COL5A1: variants seen among roughly 807,000 people sequenced by gnomAD.
COL5A1 encodes collagen alpha-1(V) chain.
In COL5A1, 16 loss-of-function variants were observed where a neutral mutation model predicts 263.7. The ratio of observed to expected loss-of-function variants is 0.06; its 90% CI spans 0.04 to 0.09. The LOEUF (loss-of-function observed/expected upper bound fraction) is 0.09, where lower values mean the gene tolerates loss of function less well. Ranked by LOEUF, COL5A1 falls within the 10% of genes least tolerant of loss-of-function variation. The pLI, the probability that COL5A1 is intolerant of heterozygous loss-of-function variation, is 1.00. For missense variants in COL5A1, 2,036 were observed against 2,540.5 expected (o/e 0.80, Z 4.27); for synonymous variants, 1,012 against 1,004.5 (o/e 1.01, Z -0.14).
At chr9:134,719,019 G>T (rs140230885) in intron 4 of COL5A1, among the ~76,000 whole-genome samples, 2 of 152,322 alleles carry the variant, frequency 1.3e-5, no homozygotes, top group African/African-American at 4.8e-5. Context: ...GCACGCTGAG[G>T]ATATCTGACA....
intron 39 of COL5A1, among the ~76,000 whole-genome samples, chr9:134,803,752 A>G (rs540995468): frequency 2.6e-5 from 4 of 152,288 alleles, no homozygotes; most frequent in African/African-American, 9.6e-5. Flanking sequence ...CTGAGGCAGC[A>G]GAATGGTGTG....
chr9:134,699,834 G>C, intron 2 of COL5A1, 75 bp from the exon 3 acceptor site: 1 of 1,460,282 alleles, frequency 6.8e-7, no homozygotes, highest in Non-Finnish European at 9.6e-7. Context: ...GGGCTGGCTT[G>C]TTTGCAGAGA....
At position 134,762,000 on chromosome 9, in the gene COL5A1, C is replaced by T. The variant is rs371586440; in HGVS notation, c.1989+22C>T. The T allele has an allele frequency of 6.0e-5, 96 of 1,611,896 alleles. No individual in the cohort carries two copies. In the African/African-American group the frequency reaches 7.6e-4, roughly 13 times the overall value. ...AAGGGTAGGTATTCTGCCGTCCCTC[C>T]GACTGCTCCTGCCTGCCCTACTCCT... On this transcript the variant is annotated intron_variant, in intron 19 of 65. Coordinates refer to ENST00000371817, the MANE Select transcript of COL5A1 (RefSeq NM_000093.5).
chr9:134,700,332 A>C lies in COL5A1; in HGVS notation c.491+210A>C, dbSNP rs761941665. 5.5e-4 allele frequency among the ~76,000 whole-genome samples: 84 copies of C among 152,318 alleles called. No individual in the cohort carries two copies. The highest frequency in any genetic ancestry group is 1.1e-3 in the Non-Finnish European group (77 of 68,032). On this transcript the variant is annotated intron_variant, in intron 3 of 65. Transcript: ENST00000371817. This position sits in a 1 kb window ranked among gnomAD's most constrained non-coding sequence, Gnocchi z 4.0. ...TCATCCTCTGTGGCTCTGGGGAGTC[A>C]CTTCTCCTCCCTGGCCCTCCATTAT...
chr9:134,793,943 A>G (rs1837806619), intron 32 of COL5A1, among the ~76,000 whole-genome samples: 1 of 152,182 alleles, frequency 6.6e-6, no homozygotes, highest in Non-Finnish European at 1.5e-5. Flanking sequence ...AGCAGTTTTG[A>G]CTCTGGCAGC....
rs542766690 is a variant in COL5A1 at position 134,765,966 on chromosome 9, C to T, written c.2088+232C>T. ...CCCGAGGCTGCCGGCCTCACGCCTC[C>T]GCTTCACCCTGGCTGCACTTCCTCC... On this transcript the variant is annotated intron_variant, in intron 21 of 65. Transcript: ENST00000371817. The surrounding 1 kb of genome is among the most constrained non-coding windows in gnomAD (Gnocchi z 5.1). Among the ~76,000 whole-genome samples, 15 of 152,350 alleles carry T rather than the reference C, an allele frequency of 9.8e-5. No homozygotes were observed. The South Asian group carries it at 1.2e-3, about 13-fold the overall frequency.
chr9:134,722,065 C>T (rs1047844207), intron 4 of COL5A1, among the ~76,000 whole-genome samples: 1 of 152,264 alleles, frequency 6.6e-6, no homozygotes, highest in Non-Finnish European at 1.5e-5. Context: ...GACCCTTGCC[C>T]TTTGGCAGTG....
intron 59 of COL5A1, 189 bp from the exon 60 acceptor site, chr9:134,822,809 C>T (rs539578150): frequency 9.3e-5 from 66 of 710,946 alleles, no homozygotes; most frequent in African/African-American, 1.2e-4. Flanking sequence ...TGTGTCTCCA[C>T]GAGGGGTGAG....
Position 134,801,989 on chromosome 9 carries a change from C to A in COL5A1, c.2988C>A (p.Pro996=), listed in dbSNP as rs374409202. ...FQGKTGPPGP[P]GVVGPQGPTG... The stretch of plus-strand genomic sequence containing the variant: ...GCAAGACCGGCCCTCCAGGCCCCCC[C>A]GGCGTGGTCGGCCCTCAGGTAAGCT... Residue 996 remains proline, a synonymous_variant, in exon 38 of 66, where the codon CCC becomes CCA. Transcript: ENST00000371817. 6.2e-7 allele frequency: 1 copy of A among 1,613,290 alleles called. No homozygotes were observed. The highest frequency in any genetic ancestry group is 1.3e-5 in the African/African-American group (1 of 74,938).
chr9:134,758,162 G>A lies in COL5A1; in HGVS notation c.1882-81G>A. On this transcript the variant is annotated intron_variant, in intron 17 of 65. Transcript: ENST00000371817. This position sits in a 1 kb window ranked among gnomAD's most constrained non-coding sequence, Gnocchi z 4.1. ...GTGAAACGTGGTCCAAGGCGGGGCGGCCATCACTTGGTGGACACCAAGGCG... is the reference window on the plus strand; with the variant it reads ...GTGAAACGTGGTCCAAGGCGGGGCGACCATCACTTGGTGGACACCAAGGCG... 1 of 1,440,348 alleles carries A rather than the reference G, an allele frequency of 6.9e-7. No individual in the cohort carries two copies. The highest frequency in any genetic ancestry group is 9.8e-7 in the Non-Finnish European group (1 of 1,023,412). The allele number at this position is 1,440,348 out of a possible 1,614,324, so 89.2% of individuals were successfully genotyped here.
In COL5A1 at chr9:134,758,429, A is replaced by T. The variant is rs79294927; in HGVS notation, c.1935+133A>T. 0.013 allele frequency: 11,538 copies of T among 881,796 alleles called. 897 individuals are homozygous for T. In the African/African-American group the frequency reaches 0.17, roughly 13 times the overall value. The allele number at this position is 881,796 out of a possible 1,614,324, so 54.6% of individuals were successfully genotyped here. The stretch of plus-strand genomic sequence containing the variant: ...TCCGCCATTCCAACAGTCAGTATAC[A>T]AACCTCACGGGAGTCAGCAATGGCA... On this transcript the variant is annotated intron_variant, in intron 18 of 65. Coordinates refer to ENST00000371817, the MANE Select transcript of COL5A1 (RefSeq NM_000093.5). This position sits in a 1 kb window ranked among gnomAD's most constrained non-coding sequence, Gnocchi z 4.1.
chr9:134,689,503 CA>C (rs554928502), intron 1 of COL5A1, among the ~76,000 whole-genome samples: 79 of 152,338 alleles, frequency 5.2e-4, no homozygotes, highest in African/African-American at 1.7e-3. Flanking sequence ...CAGCTTGATC[CA>C]GCTACTCAAA....
At chr9:134,732,915 C>T (rs574199814) in intron 9 of COL5A1, among the ~76,000 whole-genome samples, 12 of 152,284 alleles carry the variant, frequency 7.9e-5, no homozygotes, top group South Asian at 6.2e-4. Flanking sequence ...CTTGATGCCC[C>T]GCCCCGCCGC....
chr9:134,787,370 G>A (rs932075246), intron 31 of COL5A1, among the ~76,000 whole-genome samples: 3 of 152,210 alleles, frequency 2.0e-5, no homozygotes, highest in Admixed American at 6.5e-5. Context: ...ATTGGCAGGC[G>A]GGCGTGTGAG....
intron 32 of COL5A1, among the ~76,000 whole-genome samples, chr9:134,792,572 C>T (rs1026711197): frequency 6.6e-6 from 1 of 152,092 alleles, no homozygotes; most frequent in Non-Finnish European, 1.5e-5. Context: ...GTCATGTTGA[C>T]CGGGCCAGTT....
intron 34 of COL5A1, 46 bp downstream of exon 34, chr9:134,795,361 G>C: frequency 3.2e-6 from 5 of 1,582,430 alleles, no homozygotes; most frequent in Non-Finnish European, 4.3e-6. Context: ...AACCCAAGTT[G>C]CAAGGCTACA....
Position 134,796,904 on chromosome 9 carries a change from A to G in COL5A1, c.2898+3A>G. The stretch of plus-strand genomic sequence containing the variant: ...TTCCTGGACCAAAGGGCCCCCCTGT[A>G]AGTAATGGCTTCCTTGCTGGGCCAG... On this transcript the variant is annotated splice_donor_region_variant and intron_variant, in intron 36 of 65. Coordinates refer to ENST00000371817, the MANE Select transcript of COL5A1 (RefSeq NM_000093.5). 1 of 1,613,694 alleles carries G rather than the reference A, an allele frequency of 6.2e-7. No individual in the cohort carries two copies. Among genetic ancestry groups the G allele is most frequent in the Non-Finnish European group, 8.5e-7 (1 of 1,179,744 alleles).
At chr9:134,784,856 G>T (rs1201964454) in intron 29 of COL5A1, 133 bp from the exon 30 acceptor site, 4 of 730,678 alleles carry the variant, frequency 5.5e-6, no homozygotes, top group Non-Finnish European at 9.8e-6. Flanking sequence ...TCTGAGTGAG[G>T]CCGAGCTGGT....
At chr9:134,664,857 T>A (rs1022273009) in intron 1 of COL5A1, among the ~76,000 whole-genome samples, 4 of 152,082 alleles carry the variant, frequency 2.6e-5, no homozygotes, top group Non-Finnish European at 5.9e-5. Context: ...AGCCCAGGAG[T>A]TCGAGACCAG....
Sources: gnomAD v4.1 joint callset for allele counts (sites outside exome capture counted in the v4.1 genomes callset) on GRCh38, gnomAD v4.1.1 for gene constraint, Gnocchi (gnomAD v3.1) non-coding constraint, MANE v1.5 for transcripts, NCBI Gene and HGNC (gene_info 2026-07-23, HGNC 2026-07-21) for gene names.